The following PRKG1 variants were observed in gnomAD, a reference collection of about 807,000 sequenced individuals.
PRKG1 encodes the protein protein kinase cGMP-dependent 1.
PRKG1 carries 35 observed loss-of-function variants against 88.1 expected under a neutral mutation model. That is an observed-to-expected ratio of 0.40 (90% CI 0.30 to 0.53). PRKG1 has a LOEUF of 0.53. Among genes scored for constraint, PRKG1 ranks in the 20% least tolerant of loss-of-function variants. The probability of loss-of-function intolerance (pLI) is 0.59; values close to 1 mark genes in which losing one functional copy is unlikely to be tolerated. For synonymous variants in PRKG1, 303 were observed against 292.5 expected (o/e 1.04, Z -0.37); for missense variants, 540 against 839.8 (o/e 0.64, Z 4.41).
intron 3 of PRKG1, among the ~76,000 whole-genome samples, chr10:51,636,132 A>T (rs187408357): frequency 1.3e-5 from 2 of 152,260 alleles, no homozygotes; most frequent in East Asian, 3.9e-4. Flanking sequence ...AGCTGCTTTA[A>T]GTTTTTTTTA....
intron 5 of PRKG1, among the ~76,000 whole-genome samples, chr10:52,002,124 G>T (rs1237349244): frequency 6.6e-6 from 1 of 152,062 alleles, no homozygotes; most frequent in African/African-American, 2.4e-5. Context: ...ATTATTTCAA[G>T]ACCAGTTTTA....
At chr10:51,078,365 C>T (rs139929210) in intron 1 of PRKG1, among the ~76,000 whole-genome samples, 2 of 149,534 alleles carry the variant, frequency 1.3e-5, no homozygotes, top group African/African-American at 4.9e-5. Context: ...ATTACAGGCA[C>T]GTGCCACCAA....
chr10:51,632,463 G>T (rs1000820943), intron 3 of PRKG1, among the ~76,000 whole-genome samples: 1 of 152,168 alleles, frequency 6.6e-6, no homozygotes, highest in African/African-American at 2.4e-5. Context: ...ACCCATCGCA[G>T]TCAAGTACAG....
chr10:51,565,453 A>G (rs901075134), intron 3 of PRKG1, among the ~76,000 whole-genome samples: 4 of 152,080 alleles, frequency 2.6e-5, no homozygotes, highest in Non-Finnish European at 4.4e-5. Context: ...AATGTAAAGC[A>G]TACATCAAAC....
At chr10:51,589,041 T>A (rs1019563933) in intron 3 of PRKG1, among the ~76,000 whole-genome samples, 2 of 152,182 alleles carry the variant, frequency 1.3e-5, no homozygotes, top group Non-Finnish European at 2.9e-5. Flanking sequence ...TACATCTAGA[T>A]GAGCTGTTGT....
intron 9 of PRKG1, among the ~76,000 whole-genome samples, chr10:52,216,434 C>G (rs928286618): frequency 6.6e-6 from 1 of 152,188 alleles, no homozygotes; most frequent in Non-Finnish European, 1.5e-5. Flanking sequence ...TCAAATCACA[C>G]TGGCAGAGCA....
chr10:51,884,699 A>G (rs1489991581), intron 4 of PRKG1, among the ~76,000 whole-genome samples: 11 of 152,126 alleles, frequency 7.2e-5, no homozygotes, highest in Admixed American at 5.9e-4. Context: ...CTGTCTCCAC[A>G]TTGCCTGTCA....
At chr10:51,468,199 G>GAAT (rs1839957930) in intron 3 of PRKG1, among the ~76,000 whole-genome samples, 1 of 151,682 alleles carries the variant, frequency 6.6e-6, no homozygotes, top group African/African-American at 2.4e-5. Context: ...TCTATTTTGG[G>GAAT]TTATATTCTT....
At chr10:51,672,448 T>C (rs980418067) in intron 3 of PRKG1, among the ~76,000 whole-genome samples, 3 of 152,150 alleles carry the variant, frequency 2.0e-5, no homozygotes, top group Non-Finnish European at 4.4e-5. Context: ...TTTACATTTC[T>C]TTCTGATATT....
chr10:52,128,273 C>T, intron 7 of PRKG1: 1 of 985,396 alleles, frequency 1.0e-6, no homozygotes, highest in Non-Finnish European at 1.2e-6. Context: ...AGTCATGTTG[C>T]TCCAGAGCTG....
chr10:51,382,709 A>G (rs971733753), intron 2 of PRKG1, among the ~76,000 whole-genome samples: 14 of 152,198 alleles, frequency 9.2e-5, no homozygotes, highest in African/African-American at 3.1e-4. Flanking sequence ...CTACACATTT[A>G]AAACTCCATT....
intron 4 of PRKG1, among the ~76,000 whole-genome samples, chr10:51,808,950 T>C (rs1401783474): frequency 6.6e-6 from 1 of 152,084 alleles, no homozygotes; most frequent in African/African-American, 2.4e-5. Flanking sequence ...AAAAAATGAG[T>C]GGCTCTCTAT....
intron 2 of PRKG1, among the ~76,000 whole-genome samples, chr10:51,374,093 A>AAAAATATATATATATATAT: frequency 2.2e-4 from 22 of 100,178 alleles, no homozygotes; most frequent in South Asian, 4.3e-4. Context: ...AAAAAAAAAA[A>AAAAATATATATATATATAT]ATATATATAT....
chr10:52,205,971 G>A (rs753700493), intron 9 of PRKG1, among the ~76,000 whole-genome samples: 2 of 152,126 alleles, frequency 1.3e-5, no homozygotes, highest in Non-Finnish European at 2.9e-5. Flanking sequence ...CTCTGTTGAG[G>A]TTGGAGAAAT....
At chr10:51,103,980 T>G (rs1161759637) in intron 1 of PRKG1, among the ~76,000 whole-genome samples, 1 of 152,286 alleles carries the variant, frequency 6.6e-6, no homozygotes, top group East Asian at 1.9e-4. Flanking sequence ...TATAGAGTCA[T>G]AACAATGTGA....
intron 6 of PRKG1, among the ~76,000 whole-genome samples, chr10:52,055,052 C>T (rs773601563): frequency 6.6e-6 from 1 of 152,172 alleles, no homozygotes; most frequent in Admixed American, 6.5e-5. Context: ...AGGAGGATTG[C>T]TTGAGCCCAG....
At chr10:51,175,380 A>C (rs1440218189) in intron 2 of PRKG1, among the ~76,000 whole-genome samples, 9 of 152,018 alleles carry the variant, frequency 5.9e-5, no homozygotes, top group African/African-American at 1.9e-4. Flanking sequence ...AACCTGTAGC[A>C]TGAGTTTTTT....
At chr10:52,122,958 A>G (rs1189715342) in intron 7 of PRKG1, among the ~76,000 whole-genome samples, 2 of 152,204 alleles carry the variant, frequency 1.3e-5, no homozygotes, top group Non-Finnish European at 1.5e-5. Flanking sequence ...ATAGCAATAT[A>G]TATCCCACTG....
At chr10:51,838,159 A>G (rs1840178464) in intron 4 of PRKG1, among the ~76,000 whole-genome samples, 1 of 152,198 alleles carries the variant, frequency 6.6e-6, no homozygotes, top group Non-Finnish European at 1.5e-5. Flanking sequence ...ACAGCTAATA[A>G]TTAGGCATTT....
Sources: allele counts gnomAD v4.1 joint callset (sites outside exome capture counted in the v4.1 genomes callset), GRCh38; gene constraint gnomAD v4.1.1; transcripts MANE v1.5; gene names NCBI Gene and HGNC (gene_info 2026-07-23, HGNC 2026-07-21).